The following HSF4 variants were observed in gnomAD, a reference collection of about 807,000 sequenced individuals.
HSF4 encodes the protein heat shock transcription factor 4, also known as heat shock factor protein 4.
Under a neutral mutation model 52.0 loss-of-function variants are expected in HSF4, and 41 were observed. That is an observed-to-expected ratio of 0.79 (90% confidence interval 0.61 to 1.02). The LOEUF (loss-of-function observed/expected upper bound fraction) is 1.02. HSF4 is among the 50% of genes least tolerant of loss of function. HSF4 has a pLI of 0.00. For missense variants in HSF4, 610 were observed against 651.1 expected, an observed-to-expected ratio of 0.94 and a Z score of 0.69; for synonymous variants, 285 against 273.0, an observed-to-expected ratio of 1.04 and a Z score of -0.43.
upstream of HSF4, chr16:67,164,680 C>A: frequency 9.0e-7 from 1 of 1,108,404 alleles, no homozygotes; most frequent in Non-Finnish European, 1.2e-6. Context: ...CGCGGGCTTG[C>A]ACGTGGCCCC....
At position 67,169,799 on chromosome 16, in the gene HSF4, T is replaced by C. The variant is rs1360012614; in HGVS notation, c.*14T>C. ...CCCTCCCCCTAAGACCCCGCGCCTC[T>C]GAAGGGGCTTGGAACCAGTCCGCCG... On this transcript the variant is annotated 3_prime_UTR_variant, in exon 13 of 13. Transcript: ENST00000521374. The surrounding 1 kb of genome is among the most constrained non-coding windows in gnomAD (Gnocchi z 4.3). 6.2e-7 allele frequency: 1 copy of C among 1,612,900 alleles called. No homozygotes were observed. Among genetic ancestry groups the C allele is most frequent in the African/African-American group, 1.3e-5 (1 of 74,926 alleles).
In HSF4 at chr16:67,165,102, C is replaced by A; in HGVS notation, c.123+168C>A. 1.3e-6 allele frequency: 1 copy of A among 761,664 alleles called. No homozygotes were observed. The highest frequency in any genetic ancestry group is 2.1e-6 in the Non-Finnish European group (1 of 485,858). 47.2% of individuals were successfully genotyped at this position (761,664 alleles called of 1,614,324 possible). A position where few individuals can be genotyped will look rare whatever the true frequency, so the allele number is the denominator to read the frequency against. ...GTGTGCGAGAGGGGGGTTTCCTCTGCGGCCGAAGAAGGGTTAGGAGCCTGC... is the reference window on the plus strand; with the variant it reads ...GTGTGCGAGAGGGGGGTTTCCTCTGAGGCCGAAGAAGGGTTAGGAGCCTGC... On this transcript the variant is annotated intron_variant, in intron 1 of 12. Transcript: ENST00000521374. This position sits in a 1 kb window ranked among gnomAD's most constrained non-coding sequence, Gnocchi z 6.9.
chr16:67,166,459 T>C, intron 5 of HSF4, 64 bp downstream of exon 5: 2 of 1,591,028 alleles, frequency 1.3e-6, no homozygotes, highest in South Asian at 1.1e-5. Context: ...CACCGCCCAG[T>C]CCCCCGGCGC....
At position 67,169,805 on chromosome 16, in the gene HSF4, G is replaced by A. The variant is rs779964752; in HGVS notation, c.*20G>A. ...CCCTAAGACCCCGCGCCTCTGAAGG[G>A]GCTTGGAACCAGTCCGCCGCTGCAC... On this transcript the variant is annotated 3_prime_UTR_variant, in exon 13 of 13. Coordinates refer to ENST00000521374, the MANE Select transcript of HSF4 (RefSeq NM_001374675.1). The surrounding 1 kb of genome is among the most constrained non-coding windows in gnomAD (Gnocchi z 4.3). 1.9e-6 allele frequency: 3 copies of A among 1,612,964 alleles called. No individual in the cohort carries two copies. The highest frequency in any genetic ancestry group is 2.5e-6 in the Non-Finnish European group (3 of 1,179,970).
chr16:67,169,558 G>A lies in HSF4; in HGVS notation c.1325-73G>A. 1.3e-6 allele frequency: 2 copies of A among 1,598,844 alleles called. No individual in the cohort carries two copies. The highest frequency in any genetic ancestry group is 1.7e-6 in the Non-Finnish European group (2 of 1,179,496). ...TATCCTAACTGAGCAGAAGGCAGGC[G>A]GGCAGGGCTCTCCTTCCCTGAAGAA... On this transcript the variant is annotated intron_variant, in intron 12 of 12. Coordinates refer to ENST00000521374, the MANE Select transcript of HSF4 (RefSeq NM_001374675.1). This position sits in a 1 kb window ranked among gnomAD's most constrained non-coding sequence, Gnocchi z 4.3.
chr16:67,167,129 G>T lies in HSF4; in HGVS notation c.636G>T (p.Met212Ile), dbSNP rs199742128. 2.7e-3 allele frequency: 4,430 copies of T among 1,614,186 alleles called. 11 individuals carry two copies. Among genetic ancestry groups the T allele is most frequent in the Non-Finnish European group, 3.4e-3 (3,980 of 1,180,016 alleles). The stretch of plus-strand genomic sequence containing the variant: ...CTGATCGACCACACAGGTCCCTGAT[G>T]CTGGATGAGGGGAGCTCATGCCCAA... ...NAGGKRKLSLMLDEGSSCPTP... is the reference protein window; with the variant it reads ...NAGGKRKLSLILDEGSSCPTP... Residue 212 changes from methionine to isoleucine, a missense_variant, in exon 7 of 13, where the codon ATG (methionine) becomes ATT (isoleucine). Transcript: ENST00000521374.
At chr16:67,168,449 G>A (rs1225895941) in intron 9 of HSF4, among the ~76,000 whole-genome samples, 2 of 151,722 alleles carry the variant, frequency 1.3e-5, no homozygotes, top group African/African-American at 2.4e-5. Context: ...GACATAGTGG[G>A]TGACATAGTG....
chr16:67,169,489 C>T lies in HSF4; in HGVS notation c.1324+141C>T, dbSNP rs2031587947. On this transcript the variant is annotated intron_variant, in intron 12 of 12. Coordinates refer to ENST00000521374, the MANE Select transcript of HSF4 (RefSeq NM_001374675.1). The surrounding 1 kb of genome is among the most constrained non-coding windows in gnomAD (Gnocchi z 4.3). ...CAGAGCGTTCCTTGAGCCACCCATG[C>T]CCTCACCATTGGGCGAGAGTGGGGA... is the stretch of plus-strand genomic sequence containing the variant. 3 of 1,578,594 alleles carry T rather than the reference C, an allele frequency of 1.9e-6. No homozygotes were observed. Among genetic ancestry groups the T allele is most frequent in the South Asian group, 1.1e-5 (1 of 88,244 alleles).
chr16:67,166,464 C>G, intron 5 of HSF4, 69 bp downstream of exon 5: 1 of 1,591,780 alleles, frequency 6.3e-7, no homozygotes, highest in Non-Finnish European at 8.6e-7. Flanking sequence ...CCCAGTCCCC[C>G]GGCGCCCCTG....
chr16:67,167,110 G>T lies in HSF4; in HGVS notation c.627-10G>T. The T allele has an allele frequency of 6.2e-7, 1 of 1,614,024 alleles. No individual in the cohort carries two copies. The highest frequency in any genetic ancestry group is 8.5e-7 in the Non-Finnish European group (1 of 1,180,000). ...CCCCACCCCTGCCTGTGCCCTGATC[G>T]ACCACACAGGTCCCTGATGCTGGAT... On this transcript the variant is annotated splice_polypyrimidine_tract_variant and intron_variant, in intron 6 of 12. Transcript: ENST00000521374.
chr16:67,164,807 G>T lies in HSF4; in HGVS notation c.-5G>T. 1 of 1,597,376 alleles carries T rather than the reference G, an allele frequency of 6.3e-7. No individual in the cohort carries two copies. On this transcript the variant is annotated 5_prime_UTR_variant, in exon 1 of 13. Transcript: ENST00000521374. ...CCGAGCGCAGAGCCGGGCCGAGACT[G>T]CACCATGCAGGAAGCGCCAGCTGCG...
Position 67,165,054 on chromosome 16 carries a change from C to T in HSF4, c.123+120C>T. ...CCGTGGATCCCCGGATTTGGCCATT[C>T]AGAGAAGTTCACCTTGGAGGGGGTG... On this transcript the variant is annotated intron_variant, in intron 1 of 12. Coordinates refer to ENST00000521374, the MANE Select transcript of HSF4 (RefSeq NM_001374675.1). This position sits in a 1 kb window ranked among gnomAD's most constrained non-coding sequence, Gnocchi z 6.9. The T allele has an allele frequency of 8.8e-7, 1 of 1,141,926 alleles. No individual in the cohort carries two copies. Among genetic ancestry groups the T allele is most frequent in the Non-Finnish European group, 1.2e-6 (1 of 825,712 alleles). The allele number at this position is 1,141,926 out of a possible 1,614,324, so 70.7% of individuals were successfully genotyped here. A position where few individuals can be genotyped will look rare whatever the true frequency, so the allele number is the denominator to read the frequency against.
chr16:67,165,618 C>CA lies in HSF4; in HGVS notation c.222dup (p.Leu75ThrfsTer19). 1 of 1,612,992 alleles carries CA rather than the reference C, an allele frequency of 6.2e-7. No homozygotes were observed. Among genetic ancestry groups the CA allele is most frequent in the Non-Finnish European group, 8.5e-7 (1 of 1,179,858 alleles). ...TAGCAACATGGCGAGCTTCGTGCGC[C>CA]AACTCAACATGTGTGAGTCCCTACG... On this transcript the variant is annotated frameshift_variant, in exon 2 of 13. Transcript: ENST00000521374. LOFTEE classifies it high-confidence loss of function. The surrounding 1 kb of genome is among the most constrained non-coding windows in gnomAD (Gnocchi z 6.9).
At chr16:67,163,789 C>A (rs774618366), upstream of HSF4, 2 of 1,567,264 alleles carry the variant, frequency 1.3e-6, no homozygotes, top group Non-Finnish European at 1.7e-6. Flanking sequence ...ACGCGCGAGC[C>A]GCATCCCTGG....
chr16:67,164,051 C>T (rs1385732231), upstream of HSF4: 1 of 715,608 alleles, frequency 1.4e-6, no homozygotes. Flanking sequence ...GACACACTGC[C>T]CCCCTCTCTT....
At chr16:67,168,101 C>T (rs117844024) in intron 9 of HSF4, among the ~76,000 whole-genome samples, 154 bp downstream of exon 9, 2 of 152,366 alleles carry the variant, frequency 1.3e-5, no homozygotes, top group East Asian at 3.9e-4. Flanking sequence ...AGTCAGGGCA[C>T]TCAGCATCTG....
In HSF4 at chr16:67,169,371, C is replaced by T. The variant is rs1394792864; in HGVS notation, c.1324+23C>T. On this transcript the variant is annotated intron_variant, in intron 12 of 12. Transcript: ENST00000521374. This position sits in a 1 kb window ranked among gnomAD's most constrained non-coding sequence, Gnocchi z 4.3. ...CAGGTAATGGTTGTGATGACTCCTA[C>T]CTGGGAGGACGCCGTGATTGGGCTG... The T allele has an allele frequency of 6.2e-7, 1 of 1,607,720 alleles. No individual in the cohort carries two copies. The highest frequency in any genetic ancestry group is 8.5e-7 in the Non-Finnish European group (1 of 1,177,094).
rs2031433553 is a variant in HSF4 at position 67,168,017 on chromosome 16, A to G, written c.1082+70A>G. ...CCCTTACCAGCCCACAAAGCTTCCT[A>G]GCCATTTGACTCCATGATACTCACC... On this transcript the variant is annotated intron_variant, in intron 9 of 12. Transcript: ENST00000521374. The G allele has an allele frequency of 3.9e-6, 5 of 1,277,578 alleles. No individual in the cohort carries two copies. In the East Asian group the frequency reaches 1.3e-4, roughly 32 times the overall value. The allele number at this position is 1,277,578 out of a possible 1,614,324, so 79.1% of individuals were successfully genotyped here.
chr16:67,167,097 C>G (rs1467401511), intron 6 of HSF4, 23 bp from the exon 7 acceptor site: 5 of 1,614,066 alleles, frequency 3.1e-6, no homozygotes, highest in Non-Finnish European at 4.2e-6. Flanking sequence ...CCACCCCTGC[C>G]TGTGCCCTGA....
Sources: allele counts gnomAD v4.1 joint callset (sites outside exome capture counted in the v4.1 genomes callset), GRCh38; gene constraint gnomAD v4.1.1; non-coding constraint Gnocchi (gnomAD v3.1); transcripts MANE v1.5; gene names NCBI Gene and HGNC (gene_info 2026-07-23, HGNC 2026-07-21).